CTNNA2: variants seen among roughly 807,000 people sequenced by gnomAD.
CTNNA2 encodes the protein catenin alpha-2.
Under a neutral mutation model 101.0 loss-of-function variants are expected in CTNNA2, and 42 were observed. That is an observed-to-expected ratio of 0.42 (90% CI 0.32 to 0.54). CTNNA2 has a LOEUF of 0.54. CTNNA2 is among the 20% of genes least tolerant of loss of function. The probability of loss-of-function intolerance (pLI) is 0.14; values close to 1 mark genes in which losing one functional copy is unlikely to be tolerated. For synonymous variants in CTNNA2, 450 were observed against 456.4 expected, an observed-to-expected ratio of 0.99 and a Z score of 0.18; for missense variants, 871 against 1,223.1, an observed-to-expected ratio of 0.71 and a Z score of 4.29.
intron 4 of CTNNA2, among the ~76,000 whole-genome samples, chr2:79,377,005 A>T (rs1250435240): frequency 1.3e-5 from 2 of 151,630 alleles, no homozygotes; most frequent in African/African-American, 2.4e-5. Flanking sequence ...ATACCCAGTA[A>T]TGGGATGGCT....
chr2:79,600,224 G>A (rs1677461711), intron 1 of CTNNA2, among the ~76,000 whole-genome samples: 1 of 151,962 alleles, frequency 6.6e-6, no homozygotes, highest in African/African-American at 2.4e-5. Flanking sequence ...CACCCAGGCT[G>A]GAGTGCTGGG....
At chr2:79,612,510 A>G (rs574347718) in intron 1 of CTNNA2, among the ~76,000 whole-genome samples, 6 of 152,248 alleles carry the variant, frequency 3.9e-5, no homozygotes, top group Admixed American at 1.3e-4. Flanking sequence ...TCTAGCCCCA[A>G]TGATTCACTA....
intron 7 of CTNNA2, among the ~76,000 whole-genome samples, chr2:79,973,399 T>G (rs927746875): frequency 6.6e-6 from 1 of 152,062 alleles, no homozygotes; most frequent in African/African-American, 2.4e-5. Context: ...ATCTGTTGGG[T>G]ACTTGCAAGC....
chr2:79,321,353 T>C (rs958403924), intron 3 of CTNNA2, among the ~76,000 whole-genome samples: 12 of 152,138 alleles, frequency 7.9e-5, no homozygotes, highest in Non-Finnish European at 1.5e-5. Flanking sequence ...TTAAAGTTCA[T>C]CCACAGAGAC....
At chr2:79,719,238 C>A (rs1286813769) in intron 2 of CTNNA2, among the ~76,000 whole-genome samples, 1 of 152,056 alleles carries the variant, frequency 6.6e-6, no homozygotes, top group African/African-American at 2.4e-5. Context: ...GCTTGAAGGA[C>A]AGGATTTCAT....
At chr2:80,335,367 T>A (rs1671681823) in intron 7 of CTNNA2, among the ~76,000 whole-genome samples, 1 of 152,124 alleles carries the variant, frequency 6.6e-6, no homozygotes, top group South Asian at 2.1e-4. Context: ...GAATATAGTT[T>A]GAGGGTAAGA....
At chr2:79,268,326 T>C (rs1310828913) in intron 2 of CTNNA2, among the ~76,000 whole-genome samples, 5 of 152,156 alleles carry the variant, frequency 3.3e-5, no homozygotes, top group East Asian at 3.9e-4. Context: ...TCGGTGTTCC[T>C]AGCAATGAGA....
chr2:80,475,597 G>A (rs931096614), intron 9 of CTNNA2, among the ~76,000 whole-genome samples: 3 of 152,248 alleles, frequency 2.0e-5, no homozygotes, highest in Non-Finnish European at 4.4e-5. Context: ...CATGTGAAGT[G>A]GAGGTGGGAG....
At chr2:79,410,859 A>T (rs1312178318) in intron 4 of CTNNA2, among the ~76,000 whole-genome samples, 1 of 151,944 alleles carries the variant, frequency 6.6e-6, no homozygotes, top group Non-Finnish European at 1.5e-5. Context: ...TGATTGGAAT[A>T]GTTTCAGAAG....
At chr2:80,305,318 A>C (rs1573656749) in intron 7 of CTNNA2, 1 of 985,386 alleles carries the variant, frequency 1.0e-6, no homozygotes, top group Non-Finnish European at 1.2e-6. Context: ...CCAGTGTGGC[A>C]AAAAGGTATG....
At chr2:80,318,474 G>A (rs527627581) in intron 7 of CTNNA2, among the ~76,000 whole-genome samples, 2 of 152,156 alleles carry the variant, frequency 1.3e-5, no homozygotes, top group African/African-American at 4.8e-5. Context: ...TAGTAATTTA[G>A]GGGGTAAATT....
intron 7 of CTNNA2, among the ~76,000 whole-genome samples, chr2:80,349,919 T>C (rs948126516): frequency 6.6e-6 from 1 of 152,150 alleles, no homozygotes; most frequent in African/African-American, 2.4e-5. Context: ...TTATTTGAAA[T>C]TGTGATGGCT....
At chr2:79,280,685 A>AG (rs1553390858) in intron 2 of CTNNA2, among the ~76,000 whole-genome samples, 7,695 of 88,166 alleles carry the variant, frequency 0.087, 481 homozygotes, top group Middle Eastern at 0.18. Flanking sequence ...GAGAGAGAGA[A>AG]AGAGAGAGAG....
chr2:79,909,648 C>T lies in CTNNA2; in HGVS notation c.907C>T (p.Leu303=), dbSNP rs1158150278. 1 of 1,613,508 alleles carries T rather than the reference C, an allele frequency of 6.2e-7. No individual in the cohort carries two copies. The highest frequency in any genetic ancestry group is 8.5e-7 in the Non-Finnish European group (1 of 1,179,538). Residue 303 remains leucine (L), a synonymous_variant, in exon 7 of 19, where the codon CTG becomes TTG. Coordinates refer to ENST00000402739, the MANE Select transcript of CTNNA2 (RefSeq NM_001282597.3). ...TFSEARFRPS[L]EERLESIISG... is the part of the protein sequence containing the mutation. ...CAGCGAGGCCAGGTTCCGGCCGTCC[C>T]TGGAGGAGAGGCTGGAGAGCATCAT...
intron 1 of CTNNA2, among the ~76,000 whole-genome samples, chr2:79,528,462 T>C (rs1672552239): frequency 1.3e-5 from 2 of 152,082 alleles, no homozygotes; most frequent in South Asian, 4.1e-4. Flanking sequence ...TGATGCAAAT[T>C]CTGGAATTAG....
At chr2:80,618,468 C>A (rs1347379922) in intron 17 of CTNNA2, among the ~76,000 whole-genome samples, 2 of 151,852 alleles carry the variant, frequency 1.3e-5, no homozygotes, top group Non-Finnish European at 2.9e-5. Context: ...ATTGGCTTAT[C>A]CTTTAAATTA....
intron 6 of CTNNA2, among the ~76,000 whole-genome samples, chr2:79,888,704 G>T (rs1482928829): frequency 1.3e-5 from 2 of 152,098 alleles, no homozygotes; most frequent in South Asian, 2.1e-4. Flanking sequence ...AGCGAAAAAT[G>T]TAAGAATCTG....
intron 7 of CTNNA2, among the ~76,000 whole-genome samples, chr2:79,947,967 A>C (rs1405197931): frequency 2.6e-5 from 4 of 152,234 alleles, no homozygotes; most frequent in Admixed American, 2.6e-4. Context: ...CAGATCACCT[A>C]GATGACTGAG....
At chr2:79,618,190 C>G (rs894377729) in intron 1 of CTNNA2, among the ~76,000 whole-genome samples, 2 of 152,210 alleles carry the variant, frequency 1.3e-5, no homozygotes, top group African/African-American at 4.8e-5. Flanking sequence ...TGGGCAGCAA[C>G]CAACAAAGTC....
Sources: allele counts gnomAD v4.1 joint callset (sites outside exome capture counted in the v4.1 genomes callset), GRCh38; gene constraint gnomAD v4.1.1; transcripts MANE v1.5; gene names NCBI Gene and HGNC (gene_info 2026-07-23, HGNC 2026-07-21).